The following TENM2 variants were observed in gnomAD, a reference collection of about 807,000 sequenced individuals.
TENM2 encodes teneurin transmembrane protein 2.
Under a neutral mutation model 245.2 loss-of-function variants are expected in TENM2, and 52 were observed. That is an observed-to-expected ratio of 0.21 (90% CI 0.17 to 0.27). TENM2 has a LOEUF of 0.27. Among genes scored for constraint, TENM2 ranks in the 10% least tolerant of loss-of-function variants. The pLI is 1.00. For missense variants in TENM2, 3,046 were observed against 3,666.8 expected, an observed-to-expected ratio of 0.83 and a Z score of 4.37; for synonymous variants, 1,363 against 1,438.9, an observed-to-expected ratio of 0.95 and a Z score of 1.19.
chr5:167,317,549 A>G (rs996435718), intron 1 of TENM2, among the ~76,000 whole-genome samples: 2 of 152,306 alleles, frequency 1.3e-5, no homozygotes, highest in South Asian at 2.1e-4. Flanking sequence ...GTTGTGCTCA[A>G]CGGAAATTTT....
chr5:167,336,794 C>G (rs1757786811), intron 1 of TENM2, among the ~76,000 whole-genome samples: 1 of 146,286 alleles, frequency 6.8e-6, no homozygotes, highest in South Asian at 2.4e-4. Flanking sequence ...TAGGGATGCT[C>G]AATGAGTAAA....
intron 15 of TENM2, among the ~76,000 whole-genome samples, chr5:168,195,687 G>A (rs1357786475): frequency 2.0e-5 from 3 of 151,624 alleles, no homozygotes; most frequent in Admixed American, 6.6e-5. Flanking sequence ...ATCAAAGGCA[G>A]TGCAGGGTGA....
In TENM2 at chr5:168,151,264, C is replaced by T. The variant is rs571813912; in HGVS notation, c.2423-11347C>T. The stretch of plus-strand genomic sequence containing the variant: ...ACTCACGTAACTCTCAGGAAATTAC[C>T]TCATTTTTCTCATTTTCATTTACGT... On this transcript the variant is annotated intron_variant, in intron 12 of 28. Coordinates refer to ENST00000518659, the Ensembl canonical transcript of TENM2. 5.9e-5 allele frequency among the ~76,000 whole-genome samples: 9 copies of T among 152,306 alleles called. No homozygotes were observed. In the East Asian group the frequency reaches 1.5e-3, roughly 26 times the overall value.
chr5:167,909,774 A>G (rs553021277), intron 3 of TENM2, among the ~76,000 whole-genome samples: 1 of 152,336 alleles, frequency 6.6e-6, no homozygotes, highest in African/African-American at 2.4e-5. Flanking sequence ...AAGTAGTTTT[A>G]TTTTGAAGAG....
the TENM2 span, among the ~76,000 whole-genome samples, chr5:167,068,494 C>T: frequency 4.6e-5 from 7 of 152,104 alleles, no homozygotes; most frequent in Non-Finnish European, 5.9e-5. Context: ...GATACCAAAC[C>T]TTATCTTTTT....
chr5:168,248,416 T>C, intron 27 of TENM2, 45 bp downstream of exon 29: 1 of 1,562,246 alleles, frequency 6.4e-7, no homozygotes, highest in South Asian at 1.2e-5. Context: ...CCCTCCAGGG[T>C]ACTTGTTGCT....
In TENM2 at chr5:167,511,005, A is replaced by G. The variant is rs569337096; in HGVS notation, c.502+135532A>G. Reference sequence around the variant, plus strand: ...AAGGAGACAAGTGTGGTCCTGTTTGAACATGGCATCAATTCCTTCTTAACA... The same window carrying G: ...AAGGAGACAAGTGTGGTCCTGTTTGGACATGGCATCAATTCCTTCTTAACA... On this transcript the variant is annotated intron_variant, in intron 2 of 28. Transcript: ENST00000518659. 2.0e-5 allele frequency among the ~76,000 whole-genome samples: 3 copies of G among 152,258 alleles called. No homozygotes were observed. In the East Asian group the frequency reaches 5.8e-4, roughly 29 times the overall value.
At chr5:167,922,396 T>G (rs552333771) in intron 3 of TENM2, among the ~76,000 whole-genome samples, 1 of 106,066 alleles carries the variant, frequency 9.4e-6, no homozygotes, top group South Asian at 2.8e-4. Context: ...CCCTCTATCA[T>G]GAATCACCAT....
chr5:167,258,201 A>ATATATATATATGTATATATATATGTG, the TENM2 span, among the ~76,000 whole-genome samples: 12 of 126,766 alleles, frequency 9.5e-5, no homozygotes, highest in African/African-American at 4.7e-4. Context: ...GTGTTGCCAT[A>ATATATATATATGTATATATATATGTG]TATATATATA....
chr5:167,356,575 G>A (rs1025112415), intron 1 of TENM2, among the ~76,000 whole-genome samples: 1 of 152,218 alleles, frequency 6.6e-6, no homozygotes, highest in African/African-American at 2.4e-5. Flanking sequence ...GAGGAGGCCA[G>A]GCACTGTTGC....
intron 7 of TENM2, among the ~76,000 whole-genome samples, chr5:168,084,718 G>A (rs188202367): frequency 3.6e-4 from 55 of 152,252 alleles, no homozygotes; most frequent in African/African-American, 7.2e-4. Flanking sequence ...GTAGAGTGGC[G>A]TTTAGGGAAT....
At chr5:168,185,285 C>T (rs1280253657) in intron 13 of TENM2, 1 of 152,176 alleles carries the variant, frequency 6.6e-6, no homozygotes, top group Non-Finnish European at 1.5e-5. Flanking sequence ...CTTGGATATC[C>T]ACCTTCTCCA....
intron 1 of TENM2, among the ~76,000 whole-genome samples, chr5:167,374,417 C>T (rs566392747): frequency 4.5e-4 from 69 of 151,966 alleles, no homozygotes; most frequent in Non-Finnish European, 6.5e-4. Flanking sequence ...TTGCTCAGAA[C>T]GTATCCCTCT....
chr5:167,298,298 T>G (rs1755080054), intron 1 of TENM2, among the ~76,000 whole-genome samples: 1 of 152,170 alleles, frequency 6.6e-6, no homozygotes. Flanking sequence ...GATATGGTTT[T>G]GTATGAATTG....
intron 12 of TENM2, among the ~76,000 whole-genome samples, chr5:168,143,198 G>A (rs987546816): frequency 6.6e-6 from 1 of 151,830 alleles, no homozygotes; most frequent in Non-Finnish European, 1.5e-5. Flanking sequence ...TGCATAATTT[G>A]CAGTGGGGGT....
chr5:168,170,378 C>A (rs1175537633), intron 13 of TENM2, among the ~76,000 whole-genome samples: 1 of 152,094 alleles, frequency 6.6e-6, no homozygotes, highest in Admixed American at 6.5e-5. Flanking sequence ...GTGGCTCACA[C>A]CTGTAGTCCC....
rs374318049 is a variant in TENM2 at position 168,079,859 on chromosome 5, A to G, written c.1516-10715A>G. 6.6e-4 allele frequency among the ~76,000 whole-genome samples: 100 copies of G among 152,300 alleles called. 5 individuals carry two copies. The South Asian group carries it at 0.019, about 29-fold the overall frequency. ...GTATTTTATTGAGGATTTTTGTATC[A>G]GTGTTCATCAGGGATGTTGGTCTAA... On this transcript the variant is annotated intron_variant, in intron 7 of 28. Coordinates refer to ENST00000518659, the Ensembl canonical transcript of TENM2.
chr5:166,984,073 GA>G, the TENM2 span, among the ~76,000 whole-genome samples: 4 of 151,994 alleles, frequency 2.6e-5, no homozygotes, highest in South Asian at 8.3e-4. Context: ...AAGCTTATTT[GA>G]AAAAATATTA....
intron 27 of TENM2, among the ~76,000 whole-genome samples, chr5:168,253,424 A>ATT (rs200574779): frequency 0.017 from 2,399 of 139,814 alleles, 92 homozygotes; most frequent in African/African-American, 0.035. Flanking sequence ...TGCATTCATT[A>ATT]TTTTATTTTT....
Sources: gnomAD v4.1 joint callset for allele counts (sites outside exome capture counted in the v4.1 genomes callset) on GRCh38, gnomAD v4.1.1 for gene constraint, MANE v1.5 for transcripts, NCBI Gene and HGNC (gene_info 2026-07-23, HGNC 2026-07-21) for gene names.